Variants in SS18 observed in about 807,000 individuals in gnomAD.
SS18 encodes the protein protein SSXT.
A neutral mutation model predicts 72.5 loss-of-function variants in SS18; 28 were observed. That is an observed-to-expected ratio of 0.39 (90% CI 0.29 to 0.53). The LOEUF is 0.53. Ranked by LOEUF, SS18 falls within the 20% of genes least tolerant of loss-of-function variation. The pLI is 0.76. For synonymous variants in SS18, 172 were observed against 164.2 expected (o/e 1.05, Z -0.37); for missense variants, 518 against 535.3 (o/e 0.97, Z 0.32).
rs137884413 is a variant in SS18, at chr18:26,043,507, T to C, written c.608-4051A>G. The stretch of plus-strand genomic sequence containing the variant: ...TTAATCTCTAACCCAATTATAGCTC[T>C]TATTTGGAGTTATTTCTAATAATTT... On this transcript the variant is annotated intron_variant, in intron 5 of 10. Transcript: ENST00000415083. Among the ~76,000 whole-genome samples, 395 of 152,318 alleles carry C rather than the reference T, an allele frequency of 2.6e-3. 3 individuals are homozygous for C. Among genetic ancestry groups the C allele is most frequent in the African/African-American group, 8.8e-3 (365 of 41,570 alleles).
chr18:26,089,088 T>C (rs1047719699), intron 1 of SS18, among the ~76,000 whole-genome samples: 8 of 152,190 alleles, frequency 5.3e-5, no homozygotes, highest in African/African-American at 1.4e-4. Flanking sequence ...ATCTCTCCCA[T>C]TGTAGAATAA....
chr18:26,051,672 T>G (rs1350847114), intron 5 of SS18, among the ~76,000 whole-genome samples: 1 of 152,162 alleles, frequency 6.6e-6, no homozygotes, highest in Non-Finnish European at 1.5e-5. Context: ...AACAAAAAAA[T>G]AATTCTACCA....
intron 5 of SS18, among the ~76,000 whole-genome samples, chr18:26,044,485 G>A (rs1284833977): frequency 2.6e-5 from 4 of 151,104 alleles, no homozygotes; most frequent in East Asian, 2.0e-4. Flanking sequence ...CACCACGTCC[G>A]GCTAATTTTT....
intron 3 of SS18, 80 bp downstream of exon 3, chr18:26,077,995 TA>T: frequency 9.7e-7 from 1 of 1,030,804 alleles, no homozygotes; most frequent in Non-Finnish European, 1.4e-6. Context: ...AAACAAAACT[TA>T]AAAATCATTC....
At chr18:26,078,047 C>A (rs1258397033) in intron 3 of SS18, 29 bp downstream of exon 3, 5 of 1,519,794 alleles carry the variant, frequency 3.3e-6, no homozygotes, top group African/African-American at 1.4e-5. Context: ...TAAAGATTGT[C>A]TACTTCACAT....
At chr18:26,027,587 G>A (rs918004576) in intron 10 of SS18, among the ~76,000 whole-genome samples, 13 of 144,918 alleles carry the variant, frequency 9.0e-5, no homozygotes, top group Admixed American at 4.3e-4. Flanking sequence ...CAGGAGAATC[G>A]CTTGAACCCG....
chr18:26,027,626 C>T (rs1170997709), intron 10 of SS18, among the ~76,000 whole-genome samples: 2 of 127,910 alleles, frequency 1.6e-5, no homozygotes, highest in African/African-American at 5.8e-5. Context: ...GAGCTGAGAT[C>T]GCGCCACTGC....
At chr18:26,023,095 A>G (rs2053380663) in intron 10 of SS18, among the ~76,000 whole-genome samples, 1 of 152,228 alleles carries the variant, frequency 6.6e-6, no homozygotes, top group Non-Finnish European at 1.5e-5. Context: ...ATCTCTAGGT[A>G]TACATATATC....
intron 10 of SS18, among the ~76,000 whole-genome samples, chr18:26,021,999 G>A (rs978679681): frequency 1.3e-5 from 2 of 152,130 alleles, no homozygotes; most frequent in African/African-American, 4.8e-5. Context: ...AATGCCTAGG[G>A]AGAGTATATT....
At chr18:26,063,656 T>C (rs1379054908) in intron 3 of SS18, among the ~76,000 whole-genome samples, 1 of 152,252 alleles carries the variant, frequency 6.6e-6, no homozygotes, top group Non-Finnish European at 1.5e-5. Context: ...GTTTAAGCTA[T>C]GCTTACAGGA....
intron 3 of SS18, among the ~76,000 whole-genome samples, chr18:26,063,935 G>A (rs542492292): frequency 6.6e-6 from 1 of 151,846 alleles, no homozygotes; most frequent in Admixed American, 6.6e-5. Context: ...AAAATTAAAA[G>A]GGGGGGCATC....
At chr18:26,051,621 T>C (rs985991684) in intron 5 of SS18, among the ~76,000 whole-genome samples, 3 of 152,192 alleles carry the variant, frequency 2.0e-5, no homozygotes, top group Non-Finnish European at 4.4e-5. Flanking sequence ...TAGCACTGAC[T>C]GGATCTTGCT....
chr18:26,071,606 G>GA (rs1433340876), intron 3 of SS18, among the ~76,000 whole-genome samples: 3 of 152,168 alleles, frequency 2.0e-5, no homozygotes, highest in Non-Finnish European at 4.4e-5. Flanking sequence ...CAAGGCAGGA[G>GA]AATCACTCGA....
intron 10 of SS18, among the ~76,000 whole-genome samples, chr18:26,030,204 C>T (rs1280855737): frequency 6.6e-6 from 1 of 152,158 alleles, no homozygotes; most frequent in African/African-American, 2.4e-5. Flanking sequence ...AACTCCAACA[C>T]CTCTCTCCAG....
intron 2 of SS18, among the ~76,000 whole-genome samples, chr18:26,080,692 G>T (rs2054501784): frequency 6.6e-6 from 1 of 152,138 alleles, no homozygotes; most frequent in African/African-American, 2.4e-5. Flanking sequence ...TTACAGAAAA[G>T]TTTCAATAGC....
intron 4 of SS18, among the ~76,000 whole-genome samples, chr18:26,054,117 A>G (rs1276108712): frequency 6.6e-6 from 1 of 152,190 alleles, no homozygotes; most frequent in Non-Finnish European, 1.5e-5. Context: ...TGCCTAACAC[A>G]ATGTAAATGC....
chr18:26,024,983 A>T (rs954407288), intron 10 of SS18, among the ~76,000 whole-genome samples: 21 of 152,146 alleles, frequency 1.4e-4, no homozygotes, highest in African/African-American at 5.1e-4. Context: ...TCTAATACTA[A>T]TCAAAAGAAA....
intron 7 of SS18, among the ~76,000 whole-genome samples, chr18:26,037,477 T>A (rs2053645756): frequency 6.6e-6 from 1 of 152,052 alleles, no homozygotes; most frequent in Admixed American, 6.6e-5. Context: ...TTTAAAAAAA[T>A]CTTAATACCA....
At chr18:26,018,589 A>C (rs1409115117) in intron 10 of SS18, among the ~76,000 whole-genome samples, 1 of 152,198 alleles carries the variant, frequency 6.6e-6, no homozygotes, top group East Asian at 1.9e-4. Flanking sequence ...TTCATAGTCC[A>C]AAATATGCTA....
Sources: gnomAD v4.1 joint callset for allele counts (sites outside exome capture counted in the v4.1 genomes callset) on GRCh38, gnomAD v4.1.1 for gene constraint, MANE v1.5 for transcripts, NCBI Gene and HGNC (gene_info 2026-07-23, HGNC 2026-07-21) for gene names.